The following GRM7 variants were observed in gnomAD, a reference collection of about 807,000 sequenced individuals.
GRM7 encodes the protein glutamate metabotropic receptor 7.
In GRM7, 35 loss-of-function variants were observed where a neutral mutation model predicts 84.5. The observed-to-expected ratio is 0.41, with a 90% CI of 0.32 to 0.55. GRM7 has a LOEUF of 0.55. GRM7 is among the 20% of genes least tolerant of loss of function. The probability of loss-of-function intolerance (pLI) is 0.19; values close to 1 mark genes in which losing one functional copy is unlikely to be tolerated. For synonymous variants in GRM7, 487 were observed against 455.1 expected, an observed-to-expected ratio of 1.07 and a Z score of -0.89; for missense variants, 1,003 against 1,194.6, an observed-to-expected ratio of 0.84 and a Z score of 2.36.
At chr3:7,319,588 G>A (rs1185274853) in intron 4 of GRM7, among the ~76,000 whole-genome samples, 1 of 151,996 alleles carries the variant, frequency 6.6e-6, no homozygotes, top group Non-Finnish European at 1.5e-5. Context: ...AGAATGCCTA[G>A]AAACCAGAAT....
At chr3:7,455,344 T>C (rs1173351768) in intron 6 of GRM7, among the ~76,000 whole-genome samples, 1 of 152,134 alleles carries the variant, frequency 6.6e-6, no homozygotes, top group African/African-American at 2.4e-5. Flanking sequence ...AGAAACAAGA[T>C]ATTTGCATAG....
chr3:7,426,188 C>T (rs1428855673), intron 5 of GRM7, among the ~76,000 whole-genome samples: 5 of 151,474 alleles, frequency 3.3e-5, no homozygotes, highest in Admixed American at 6.6e-5. Flanking sequence ...GGTGCGATCT[C>T]GGCTCACCAC....
At chr3:7,675,759 C>A (rs1700096891) in intron 8 of GRM7, among the ~76,000 whole-genome samples, 1 of 152,184 alleles carries the variant, frequency 6.6e-6, no homozygotes, top group African/African-American at 2.4e-5. Context: ...AAAGTGGTTA[C>A]AGTGAAAGCC....
At chr3:7,566,803 G>A (rs899569964) in intron 7 of GRM7, among the ~76,000 whole-genome samples, 4 of 150,788 alleles carry the variant, frequency 2.7e-5, no homozygotes, top group East Asian at 1.9e-4. Flanking sequence ...CTTCCAGGGG[G>A]AAAAAAAAAA....
chr3:7,016,229 C>T (rs140772828), intron 1 of GRM7, among the ~76,000 whole-genome samples: 1 of 152,194 alleles, frequency 6.6e-6, no homozygotes, highest in East Asian at 1.9e-4. Context: ...AAAAGTGTTA[C>T]CAAAACACCA....
chr3:7,273,289 T>C (rs1032202288), intron 2 of GRM7, among the ~76,000 whole-genome samples: 2 of 152,128 alleles, frequency 1.3e-5, no homozygotes, highest in Non-Finnish European at 2.9e-5. Context: ...TCTATTTTAG[T>C]TGAAGTCCTT....
At chr3:7,139,071 ATAT>A (rs1029714524) in intron 1 of GRM7, among the ~76,000 whole-genome samples, 5 of 147,404 alleles carry the variant, frequency 3.4e-5, no homozygotes, top group Admixed American at 6.8e-5. Flanking sequence ...ACATTATATA[ATAT>A]TATATAATGT....
At chr3:7,041,269 C>T (rs1379316947) in intron 1 of GRM7, among the ~76,000 whole-genome samples, 1 of 151,376 alleles carries the variant, frequency 6.6e-6, no homozygotes, top group African/African-American at 2.5e-5. Flanking sequence ...GTGTTTCCTC[C>T]TGTCTCCCTC....
At chr3:7,738,847 A>G (rs1702593229) in intron 9 of GRM7, among the ~76,000 whole-genome samples, 1 of 152,086 alleles carries the variant, frequency 6.6e-6, no homozygotes, top group Non-Finnish European at 1.5e-5. Context: ...CACTGAAAAT[A>G]AGATTCAGAG....
At chr3:7,518,701 G>A (rs1329408812) in intron 7 of GRM7, among the ~76,000 whole-genome samples, 1 of 152,150 alleles carries the variant, frequency 6.6e-6, no homozygotes, top group Non-Finnish European at 1.5e-5. Context: ...CTCTTAAGAA[G>A]CCAGACAAAT....
chr3:7,636,829 T>C (rs1317291233), intron 8 of GRM7, among the ~76,000 whole-genome samples: 3 of 152,110 alleles, frequency 2.0e-5, no homozygotes, highest in African/African-American at 4.8e-5. Flanking sequence ...GGTGGCAAAA[T>C]GACAAGCCCC....
intron 1 of GRM7, among the ~76,000 whole-genome samples, chr3:6,960,468 C>T (rs1693249996): frequency 6.6e-6 from 1 of 152,132 alleles, no homozygotes; most frequent in Non-Finnish European, 1.5e-5. Context: ...CAAAATACTA[C>T]CAGATTAATC....
At chr3:7,301,654 C>G (rs1291987429) in intron 3 of GRM7, among the ~76,000 whole-genome samples, 1 of 131,664 alleles carries the variant, frequency 7.6e-6, no homozygotes, top group East Asian at 2.2e-4. Context: ...TATACCCATT[C>G]TTTTTGCATT....
chr3:7,021,939 G>A (rs1469275203), intron 1 of GRM7, among the ~76,000 whole-genome samples: 2 of 151,986 alleles, frequency 1.3e-5, no homozygotes, highest in African/African-American at 2.4e-5. Context: ...CTACACTAAG[G>A]GCTTTTTCAT....
At chr3:7,173,128 G>A (rs1004842166) in intron 2 of GRM7, among the ~76,000 whole-genome samples, 2 of 152,182 alleles carry the variant, frequency 1.3e-5, no homozygotes, top group Non-Finnish European at 2.9e-5. Context: ...AAGTAACAGA[G>A]CCAGTATTTA....
intron 9 of GRM7, among the ~76,000 whole-genome samples, chr3:7,685,746 G>A (rs1478753297): frequency 1.3e-5 from 2 of 150,360 alleles, no homozygotes; most frequent in African/African-American, 4.9e-5. Context: ...AAATAAATTT[G>A]TTACATAAAC....
chr3:7,184,343 T>C (rs907055057), intron 2 of GRM7, among the ~76,000 whole-genome samples: 2 of 152,130 alleles, frequency 1.3e-5, no homozygotes, highest in African/African-American at 4.8e-5. Context: ...CTTAGATGTA[T>C]TAATCAAATT....
intron 2 of GRM7, among the ~76,000 whole-genome samples, chr3:7,229,358 GA>G (rs1173466384): frequency 1.3e-5 from 2 of 151,872 alleles, no homozygotes; most frequent in Non-Finnish European, 2.9e-5. Context: ...ATGACCCTAT[GA>G]GGCTCTTTTA....
At chr3:7,689,462 A>C (rs1285359913) in intron 9 of GRM7, among the ~76,000 whole-genome samples, 3 of 152,200 alleles carry the variant, frequency 2.0e-5, no homozygotes, top group Non-Finnish European at 4.4e-5. Flanking sequence ...CTTTGACACT[A>C]AATCACCTTG....
Sources: allele counts gnomAD v4.1 joint callset (sites outside exome capture counted in the v4.1 genomes callset), GRCh38; gene constraint gnomAD v4.1.1; transcripts MANE v1.5; gene names NCBI Gene and HGNC (gene_info 2026-07-23, HGNC 2026-07-21).